The following SNTG2 variants were observed in gnomAD, a reference collection of about 807,000 sequenced individuals.
SNTG2 encodes syntrophin gamma 2, also known as gamma-2-syntrophin.
Under a neutral mutation model 70.9 loss-of-function variants are expected in SNTG2, and 74 were observed. The ratio of observed to expected loss-of-function variants is 1.04; its 90% CI spans 0.86 to 1.27. SNTG2 has a LOEUF of 1.27. Ranked by LOEUF, SNTG2 falls within the 50% of genes most tolerant of loss-of-function variation. The pLI, the probability that SNTG2 is intolerant of heterozygous loss-of-function variation, is 0.00. For synonymous variants in SNTG2, 278 were observed against 273.8 expected (o/e 1.02, Z -0.15); for missense variants, 717 against 690.7 (o/e 1.04, Z -0.43).
At chr2:957,420 A>G (rs1660201900) in intron 1 of SNTG2, among the ~76,000 whole-genome samples, 1 of 152,126 alleles carries the variant, frequency 6.6e-6, no homozygotes, top group South Asian at 2.1e-4. Context: ...ATTAAGTGCC[A>G]TTTGGAGAAT....
chr2:1,177,661 C>T (rs1055972824), intron 8 of SNTG2, among the ~76,000 whole-genome samples: 1 of 151,434 alleles, frequency 6.6e-6, no homozygotes. Context: ...ACCCAGCAAA[C>T]GTGCTTCAAA....
chr2:1,320,207 G>A (rs1282182983), intron 16 of SNTG2, among the ~76,000 whole-genome samples: 2 of 152,094 alleles, frequency 1.3e-5, no homozygotes, highest in East Asian at 3.9e-4. Flanking sequence ...GGGGAGCAGA[G>A]TGAAATATTC....
chr2:1,159,526 AGTAAC>A (rs1435478214), intron 6 of SNTG2: 2 of 152,226 alleles, frequency 1.3e-5, no homozygotes, highest in Non-Finnish European at 2.9e-5. Flanking sequence ...AATACACAAT[AGTAAC>A]GTGAAAAATA....
At chr2:1,339,608 A>G (rs898270630) in intron 16 of SNTG2, among the ~76,000 whole-genome samples, 1 of 152,206 alleles carries the variant, frequency 6.6e-6, no homozygotes, top group African/African-American at 2.4e-5. Context: ...ATTGAGTGGA[A>G]GCCTTGTCAC....
rs552816555 is a variant in SNTG2 at position 1,066,421 on chromosome 2, C to T, written c.73-17097C>T. ...CCTGTTGATCAATGCTGGCTGCAGGCGTTGAGTTCTCGGTGCGTCTCATCG... is the reference window on the plus strand; with the variant it reads ...CCTGTTGATCAATGCTGGCTGCAGGTGTTGAGTTCTCGGTGCGTCTCATCG... On this transcript the variant is annotated intron_variant, in intron 1 of 16. Coordinates refer to ENST00000308624, the MANE Select transcript of SNTG2 (RefSeq NM_018968.4). 1.3e-4 allele frequency among the ~76,000 whole-genome samples: 19 copies of T among 151,766 alleles called. No individual in the cohort carries two copies. In the South Asian group the frequency reaches 3.1e-3, roughly 25 times the overall value.
intron 14 of SNTG2, among the ~76,000 whole-genome samples, chr2:1,295,020 C>T (rs929796251): frequency 2.8e-4 from 43 of 152,292 alleles, no homozygotes; most frequent in African/African-American, 9.6e-4. Context: ...ACTCCCGCTG[C>T]GCTGAGTGTG....
intron 16 of SNTG2, among the ~76,000 whole-genome samples, chr2:1,332,350 A>C (rs932254757): frequency 3.3e-5 from 5 of 152,374 alleles, no homozygotes; most frequent in Non-Finnish European, 7.3e-5. Flanking sequence ...TCAGACATTC[A>C]AAGAAGAATG....
At chr2:980,618 T>C (rs1045137485) in intron 1 of SNTG2, among the ~76,000 whole-genome samples, 4 of 152,120 alleles carry the variant, frequency 2.6e-5, no homozygotes, top group African/African-American at 9.7e-5. Context: ...TATCTGAAAT[T>C]TTAGCTTCAT....
At chr2:1,215,076 C>G (rs1214379589) in intron 9 of SNTG2, among the ~76,000 whole-genome samples, 1 of 141,506 alleles carries the variant, frequency 7.1e-6, no homozygotes, top group East Asian at 2.0e-4. Context: ...GCATCCAAGG[C>G]ATGAATCCCA....
rs551491992 is a variant in SNTG2, at chr2:1,162,058, T to A, written c.412-3490T>A. 2.5e-3 allele frequency among the ~76,000 whole-genome samples: 270 copies of A among 108,204 alleles called. 1 individual carries two copies. The highest frequency in any genetic ancestry group is 8.0e-3 in the Admixed American group (52 of 6,502). 71.0% of individuals were successfully genotyped at this position (108,204 alleles called of 152,430 possible). On this transcript the variant is annotated intron_variant, in intron 6 of 16. Transcript: ENST00000308624. ...CACTGCACTCCAGCCTGGGCGACAGTGAGACTCCGTCTCAAAAAAAAAAAA... is the reference window on the plus strand; with the variant it reads ...CACTGCACTCCAGCCTGGGCGACAGAGAGACTCCGTCTCAAAAAAAAAAAA...
chr2:1,324,691 A>G (rs2148276295), intron 16 of SNTG2, among the ~76,000 whole-genome samples: 1 of 152,388 alleles, frequency 6.6e-6, no homozygotes, highest in East Asian at 1.9e-4. Flanking sequence ...AAGATAAATC[A>G]TAGTAGGCCC....
At chr2:1,204,108 G>C (rs1316548111) in intron 8 of SNTG2, among the ~76,000 whole-genome samples, 1 of 152,206 alleles carries the variant, frequency 6.6e-6, no homozygotes, top group Non-Finnish European at 1.5e-5. Flanking sequence ...GCAGAAACCA[G>C]ATCAGTGACT....
chr2:1,313,469 C>T (rs75061769), intron 15 of SNTG2, among the ~76,000 whole-genome samples: 12 of 152,322 alleles, frequency 7.9e-5, no homozygotes, highest in South Asian at 2.1e-4. Flanking sequence ...TGCCACATTC[C>T]GACCTAGAAT....
chr2:1,130,196 CT>C (rs1169564766), intron 4 of SNTG2, among the ~76,000 whole-genome samples: 2 of 152,168 alleles, frequency 1.3e-5, no homozygotes, highest in Non-Finnish European at 2.9e-5. Context: ...TAGGCTGTCA[CT>C]CATCATGGAC....
At chr2:1,271,066 A>G (rs1399039676) in intron 14 of SNTG2, among the ~76,000 whole-genome samples, 4 of 152,184 alleles carry the variant, frequency 2.6e-5, no homozygotes, top group Non-Finnish European at 4.4e-5. Context: ...CATCATCAGG[A>G]TAGTAGCTTC....
At chr2:1,046,759 T>A (rs1661759867) in intron 1 of SNTG2, among the ~76,000 whole-genome samples, 1 of 152,122 alleles carries the variant, frequency 6.6e-6, no homozygotes, top group Admixed American at 6.5e-5. Context: ...TTGTAGGGGA[T>A]CTTCCTCTTC....
intron 8 of SNTG2, among the ~76,000 whole-genome samples, chr2:1,204,033 A>G (rs971454714): frequency 1.3e-5 from 2 of 152,218 alleles, no homozygotes; most frequent in African/African-American, 4.8e-5. Flanking sequence ...AAAGGTTTAC[A>G]CACAAGTGAT....
chr2:1,115,546 T>G (rs1666899138), intron 4 of SNTG2, among the ~76,000 whole-genome samples: 1 of 151,800 alleles, frequency 6.6e-6, no homozygotes, highest in African/African-American at 2.4e-5. Flanking sequence ...GGTTTAATCC[T>G]TACAGTCCTT....
chr2:1,137,757 C>A lies in SNTG2; in HGVS notation c.370-11C>A, dbSNP rs1274501258. 1 of 1,613,736 alleles carries A rather than the reference C, an allele frequency of 6.2e-7. No homozygotes were observed. On this transcript the variant is annotated splice_polypyrimidine_tract_variant and intron_variant, in intron 5 of 16. Coordinates refer to ENST00000308624, the MANE Select transcript of SNTG2 (RefSeq NM_018968.4). ...GTTATTCTCAACATTCTTACTTTGT[C>A]ATCTGTTCAGGTTAATGGCATACAT...
Sources: gnomAD v4.1 joint callset for allele counts (sites outside exome capture counted in the v4.1 genomes callset) on GRCh38, gnomAD v4.1.1 for gene constraint, MANE v1.5 for transcripts, NCBI Gene and HGNC (gene_info 2026-07-23, HGNC 2026-07-21) for gene names.